Variants in CLSTN2 observed in about 807,000 individuals in gnomAD.
CLSTN2 encodes the protein calsyntenin 2, also known as calsyntenin-2.
Under a neutral mutation model 101.2 loss-of-function variants are expected in CLSTN2, and 48 were observed. That is an observed-to-expected ratio of 0.47 (90% CI 0.38 to 0.60). The LOEUF is 0.60. Ranked by LOEUF, CLSTN2 falls within the 20% of genes least tolerant of loss-of-function variation. CLSTN2 has a pLI of 0.00. For synonymous variants in CLSTN2, 481 were observed against 463.6 expected, an observed-to-expected ratio of 1.04 and a Z score of -0.48; for missense variants, 1,160 against 1,238.2, an observed-to-expected ratio of 0.94 and a Z score of 0.95.
intron 4 of CLSTN2, among the ~76,000 whole-genome samples, chr3:140,416,725 T>C (rs2088434900): frequency 1.3e-5 from 2 of 152,234 alleles, no homozygotes; most frequent in South Asian, 2.1e-4. Context: ...TACTGGAGCC[T>C]CTGGCACAAG....
intron 8 of CLSTN2, among the ~76,000 whole-genome samples, chr3:140,498,635 A>T (rs983135176): frequency 6.6e-6 from 1 of 152,226 alleles, no homozygotes; most frequent in Non-Finnish European, 1.5e-5. Context: ...AATAAAATTA[A>T]ACAATTATTT....
At chr3:140,380,320 C>T (rs1430044240) in intron 2 of CLSTN2, among the ~76,000 whole-genome samples, 1 of 152,152 alleles carries the variant, frequency 6.6e-6, no homozygotes, top group Non-Finnish European at 1.5e-5. Context: ...ATGGGTTAGC[C>T]CTGTTCCCTG....
chr3:140,420,594 G>A (rs1400055427), intron 4 of CLSTN2, among the ~76,000 whole-genome samples: 3 of 152,138 alleles, frequency 2.0e-5, no homozygotes, highest in Admixed American at 1.3e-4. Context: ...ATTCTATGTC[G>A]CTTTCAGAAG....
rs191066797 is a variant in CLSTN2, at chr3:140,527,049, C to T, written c.1345-5275C>T. Among the ~76,000 whole-genome samples the T allele has an allele frequency of 5.9e-5, 9 of 152,092 alleles. No homozygotes were observed. The East Asian group carries it at 9.6e-4, about 16-fold the overall frequency. On this transcript the variant is annotated intron_variant, in intron 8 of 16. Transcript: ENST00000458420. ...GGCAAAGAATTTATGGCTAAGTCCC[C>T]GAAAGCAATTGCAAGAAAAACAAAA...
chr3:139,971,270 G>A (rs935384577), intron 1 of CLSTN2, among the ~76,000 whole-genome samples: 2 of 152,192 alleles, frequency 1.3e-5, no homozygotes, highest in African/African-American at 2.4e-5. Context: ...TCATAAAAGA[G>A]CAGTCAATTA....
chr3:140,065,475 G>A (rs911754065), intron 1 of CLSTN2, among the ~76,000 whole-genome samples: 3 of 152,122 alleles, frequency 2.0e-5, no homozygotes, highest in Non-Finnish European at 4.4e-5. Context: ...CCTTATCTTG[G>A]TCAGGAAGTT....
intron 8 of CLSTN2, among the ~76,000 whole-genome samples, chr3:140,510,067 C>G (rs1359159712): frequency 6.6e-6 from 1 of 152,226 alleles, no homozygotes; most frequent in Non-Finnish European, 1.5e-5. Flanking sequence ...GGCAAATCAT[C>G]TAACACAAAG....
intron 4 of CLSTN2, among the ~76,000 whole-genome samples, chr3:140,411,724 A>G (rs1424712469): frequency 6.6e-6 from 1 of 152,240 alleles, no homozygotes; most frequent in Non-Finnish European, 1.5e-5. Context: ...TGTGCCCAGC[A>G]ACCACCAGAA....
Position 140,013,892 on chromosome 3 carries a change from C to A in CLSTN2, c.109+78409C>A, listed in dbSNP as rs147330051. Among the ~76,000 whole-genome samples, 247 of 122,526 alleles carry A rather than the reference C, an allele frequency of 2.0e-3. 1 individual carries two copies. The highest frequency in any genetic ancestry group is 6.4e-3 in the African/African-American group (243 of 38,024). The allele number at this position is 122,526 out of a possible 152,430, so 80.4% of individuals were successfully genotyped here. ...CTTTTAACTGAAGGTCAGAGCTCAGCCCTGTGTCACATCTTCCTCCCCAGG... is the reference window on the plus strand; with the variant it reads ...CTTTTAACTGAAGGTCAGAGCTCAGACCTGTGTCACATCTTCCTCCCCAGG... On this transcript the variant is annotated intron_variant, in intron 1 of 16. Coordinates refer to ENST00000458420, the MANE Select transcript of CLSTN2 (RefSeq NM_022131.3).
chr3:140,011,821 C>T (rs1206305618), intron 1 of CLSTN2, among the ~76,000 whole-genome samples: 2 of 151,862 alleles, frequency 1.3e-5, no homozygotes, highest in Non-Finnish European at 2.9e-5. Flanking sequence ...GAATTGCTGA[C>T]ACCAGGGTCC....
chr3:140,412,800 G>C (rs980156528), intron 4 of CLSTN2, among the ~76,000 whole-genome samples: 1 of 152,008 alleles, frequency 6.6e-6, no homozygotes, highest in African/African-American at 2.4e-5. Context: ...ACAACAAATG[G>C]GTCAAAGAAG....
At chr3:139,991,030 A>G (rs1211553805) in intron 1 of CLSTN2, among the ~76,000 whole-genome samples, 1 of 152,248 alleles carries the variant, frequency 6.6e-6, no homozygotes, top group African/African-American at 2.4e-5. Flanking sequence ...AAAGTAAATA[A>G]TAGTACAGGT....
intron 8 of CLSTN2, among the ~76,000 whole-genome samples, chr3:140,497,467 G>C (rs1037627032): frequency 7.2e-5 from 11 of 151,892 alleles, no homozygotes; most frequent in African/African-American, 2.7e-4. Context: ...TGGACTCCCC[G>C]AAGCCAGCAG....
intron 2 of CLSTN2, among the ~76,000 whole-genome samples, chr3:140,394,621 T>C (rs1297331897): frequency 5.7e-5 from 6 of 105,096 alleles, no homozygotes; most frequent in African/African-American, 1.5e-4. Flanking sequence ...CAGTACTTCA[T>C]TGCACTTAAC....
intron 2 of CLSTN2, among the ~76,000 whole-genome samples, chr3:140,252,508 G>A (rs1180868181): frequency 3.9e-5 from 6 of 152,142 alleles, no homozygotes; most frequent in Non-Finnish European, 7.4e-5. Flanking sequence ...ACAGAAGGGC[G>A]TATAGATGAA....
At chr3:140,162,271 G>A (rs1014284680) in intron 1 of CLSTN2, among the ~76,000 whole-genome samples, 12 of 152,146 alleles carry the variant, frequency 7.9e-5, no homozygotes, top group African/African-American at 2.7e-4. Flanking sequence ...TTTGTGCTGG[G>A]TTAGGGATAT....
chr3:140,153,411 C>T (rs2009899549), intron 1 of CLSTN2, among the ~76,000 whole-genome samples: 1 of 152,260 alleles, frequency 6.6e-6, no homozygotes, highest in Non-Finnish European at 1.5e-5. Context: ...GTGGCTTGGG[C>T]ATTCTGCCCA....
intron 2 of CLSTN2, among the ~76,000 whole-genome samples, chr3:140,186,359 G>T (rs1190401029): frequency 6.6e-6 from 1 of 152,190 alleles, no homozygotes; most frequent in African/African-American, 2.4e-5. Context: ...TATTAATTAT[G>T]AACATGAATT....
At chr3:140,308,091 A>T (rs2087132216) in intron 2 of CLSTN2, among the ~76,000 whole-genome samples, 1 of 152,110 alleles carries the variant, frequency 6.6e-6, no homozygotes, top group Admixed American at 6.5e-5. Flanking sequence ...TGAACGTTGA[A>T]CCTTAGGGGA....
Sources: allele counts gnomAD v4.1 joint callset (sites outside exome capture counted in the v4.1 genomes callset), GRCh38; gene constraint gnomAD v4.1.1; transcripts MANE v1.5; gene names NCBI Gene and HGNC (gene_info 2026-07-23, HGNC 2026-07-21).